WWC1: variants seen among roughly 807,000 people sequenced by gnomAD.
WWC1 encodes the protein protein KIBRA.
A neutral mutation model predicts 138.4 loss-of-function variants in WWC1; 55 were observed. The observed-to-expected ratio is 0.40, with a 90% confidence interval of 0.32 to 0.50. The LOEUF is 0.50. Ranked by LOEUF, WWC1 falls within the 20% of genes least tolerant of loss-of-function variation. The probability of loss-of-function intolerance (pLI) is 0.72; values close to 1 mark genes in which losing one functional copy is unlikely to be tolerated. For synonymous variants in WWC1, 524 were observed against 564.9 expected (o/e 0.93, Z 1.03); for missense variants, 1,226 against 1,420.4 (o/e 0.86, Z 2.20).
At chr5:168,298,896 C>G (rs1203408765) in intron 1 of WWC1, among the ~76,000 whole-genome samples, 1 of 152,060 alleles carries the variant, frequency 6.6e-6, no homozygotes, top group Admixed American at 6.5e-5. Flanking sequence ...CCAGCCTGGC[C>G]AACATGGTGA....
At chr5:168,377,593 A>G (rs1777298218) in intron 2 of WWC1, among the ~76,000 whole-genome samples, 1 of 126,882 alleles carries the variant, frequency 7.9e-6, no homozygotes, top group Non-Finnish European at 1.7e-5. Context: ...AGCAAAAAAC[A>G]AATAACCCCA....
At chr5:168,332,166 A>C (rs1290618688) in intron 1 of WWC1, among the ~76,000 whole-genome samples, 2 of 152,018 alleles carry the variant, frequency 1.3e-5, no homozygotes, top group African/African-American at 4.8e-5. Context: ...AAAAGATAAA[A>C]AATAAATGCC....
chr5:168,390,081 A>G (rs1778365023), intron 3 of WWC1, among the ~76,000 whole-genome samples: 1 of 152,232 alleles, frequency 6.6e-6, no homozygotes. Flanking sequence ...GTTCAAATCC[A>G]GGATATGCAG....
At chr5:168,455,997 T>C (rs1415253185) in intron 19 of WWC1, among the ~76,000 whole-genome samples, 2 of 152,208 alleles carry the variant, frequency 1.3e-5, no homozygotes, top group Non-Finnish European at 2.9e-5. Context: ...GCTGCTAACA[T>C]TTAAAACTTT....
intron 11 of WWC1, among the ~76,000 whole-genome samples, chr5:168,424,599 T>G (rs1781366321): frequency 6.6e-6 from 1 of 152,152 alleles, no homozygotes; most frequent in South Asian, 2.1e-4. Flanking sequence ...TGAGGGTGTC[T>G]TGAATGGTGA....
At chr5:168,339,248 G>T (rs1390708273) in intron 1 of WWC1, among the ~76,000 whole-genome samples, 1 of 152,106 alleles carries the variant, frequency 6.6e-6, no homozygotes, top group Non-Finnish European at 1.5e-5. Flanking sequence ...TTTCCAGCTG[G>T]GCTCCTGGTA....
chr5:168,399,337 G>A, intron 4 of WWC1, 151 bp from the exon 5 acceptor site: 1 of 679,990 alleles, frequency 1.5e-6, no homozygotes, highest in Non-Finnish European at 2.5e-6. Flanking sequence ...GTGACAGGAG[G>A]GGGCTCTGAC....
chr5:168,328,660 C>T (rs1309854896), intron 1 of WWC1, among the ~76,000 whole-genome samples: 1 of 152,146 alleles, frequency 6.6e-6, no homozygotes, highest in Non-Finnish European at 1.5e-5. Context: ...AATTCTTCTG[C>T]CTCAGCCTCC....
chr5:168,414,463 G>A lies in WWC1; in HGVS notation c.1057G>A (p.Glu353Lys). Residue 353 changes from glutamate to lysine, a missense_variant, in exon 9 of 23, where the codon GAG becomes AAG. By Grantham distance (56) the Glu-to-Lys change is moderately conservative. This residue lies in a region of WWC1 where 1,016 missense variants were observed against 1,153.9 expected (regional missense o/e 0.88). Coordinates refer to ENST00000265293, the MANE Select transcript of WWC1 (RefSeq NM_015238.3). ...LINEKEELLK[E>K]MRFISPRKWT... Reference sequence around the variant, plus strand: ...CAACGAGAAGGAGGAGCTGCTGAAGGAGATGCGCTTCATCAGCCCCCGCAA... The same window carrying A: ...CAACGAGAAGGAGGAGCTGCTGAAGAAGATGCGCTTCATCAGCCCCCGCAA... 6.4e-7 allele frequency: 1 copy of A among 1,572,720 alleles called. No homozygotes were observed. The highest frequency in any genetic ancestry group is 8.6e-7 in the Non-Finnish European group (1 of 1,158,164).
At chr5:168,337,204 C>G (rs566729509) in intron 1 of WWC1, among the ~76,000 whole-genome samples, 154 of 152,300 alleles carry the variant, frequency 1.0e-3, no homozygotes, top group African/African-American at 3.5e-3. Flanking sequence ...AACTCTCTCC[C>G]CACTCCCACT....
intron 1 of WWC1, among the ~76,000 whole-genome samples, chr5:168,308,512 CT>C (rs1246059771): frequency 3.9e-5 from 6 of 152,168 alleles, no homozygotes; most frequent in Non-Finnish European, 8.8e-5. Context: ...GTTCATGGCA[CT>C]TTATTGGCAA....
intron 1 of WWC1, among the ~76,000 whole-genome samples, chr5:168,302,305 G>A (rs1389571945): frequency 6.6e-6 from 1 of 152,214 alleles, no homozygotes; most frequent in South Asian, 2.1e-4. Flanking sequence ...CACTCAGCAG[G>A]TATTTATGGA....
At chr5:168,432,717 A>T (rs1035088239) in intron 15 of WWC1, among the ~76,000 whole-genome samples, 11 of 152,128 alleles carry the variant, frequency 7.2e-5, no homozygotes, top group East Asian at 5.8e-4. Context: ...AACCAAACAG[A>T]CAAGGTGCCA....
intron 1 of WWC1, among the ~76,000 whole-genome samples, chr5:168,325,042 T>C (rs1772416468): frequency 6.6e-6 from 1 of 152,208 alleles, no homozygotes; most frequent in Non-Finnish European, 1.5e-5. Flanking sequence ...AGAGGACAGA[T>C]GGAGCCATTT....
At chr5:168,386,377 C>CTTTTTTTTTTTTTTTT (rs59691686) in intron 3 of WWC1, among the ~76,000 whole-genome samples, 4 of 143,934 alleles carry the variant, frequency 2.8e-5, no homozygotes, top group Non-Finnish European at 4.5e-5. Flanking sequence ...TCCCCTTGTT[C>CTTTTTTTTTTTTTTTT]TTTTTTTTTT....
intron 11 of WWC1, 83 bp downstream of exon 11, chr5:168,424,151 T>A (rs1402472840): frequency 2.7e-6 from 4 of 1,476,190 alleles, no homozygotes; most frequent in Non-Finnish European, 3.6e-6. Context: ...GTGATCATTC[T>A]AGTCGATATT....
chr5:168,467,000 G>A (rs978520539), intron 21 of WWC1, among the ~76,000 whole-genome samples: 1 of 152,160 alleles, frequency 6.6e-6, no homozygotes, highest in Admixed American at 6.5e-5. Flanking sequence ...GGTGGCTCAC[G>A]CCTGTAATCC....
chr5:168,354,090 A>C (rs1775209599), intron 1 of WWC1, among the ~76,000 whole-genome samples: 1 of 151,190 alleles, frequency 6.6e-6, no homozygotes, highest in African/African-American at 2.4e-5. Flanking sequence ...TTGCTCTGTC[A>C]CCCAGGCTGG....
chr5:168,308,757 C>G (rs1042289282), intron 1 of WWC1, among the ~76,000 whole-genome samples: 1 of 152,184 alleles, frequency 6.6e-6, no homozygotes, highest in African/African-American at 2.4e-5. Context: ...AGATTTGTGC[C>G]AAATTGCAAA....
Sources: gnomAD v4.1 joint callset for allele counts (sites outside exome capture counted in the v4.1 genomes callset) on GRCh38, gnomAD v4.1.1 for gene constraint, gnomAD v4.1.1 regional missense constraint, MANE v1.5 for transcripts, NCBI Gene and HGNC (gene_info 2026-07-23, HGNC 2026-07-21) for gene names.